Variants in PCDHA12 observed in about 807,000 individuals in gnomAD.
PCDHA12 encodes protocadherin alpha-12.
In PCDHA12, 44 loss-of-function variants were observed where a neutral mutation model predicts 60.0. The ratio of observed to expected loss-of-function variants is 0.73; its 90% CI spans 0.58 to 0.94. PCDHA12 has a LOEUF of 0.94. Ranked by LOEUF, PCDHA12 falls within the 40% of genes least tolerant of loss-of-function variation. The pLI, the probability that PCDHA12 is intolerant of heterozygous loss-of-function variation, is 0.00. For missense variants in PCDHA12, 1,276 were observed against 1,239.7 expected (o/e 1.03, Z -0.44); for synonymous variants, 569 against 553.0 (o/e 1.03, Z -0.40).
chr5:141,010,525 C>A lies in PCDHA12; in HGVS notation c.*588C>A. On this transcript the variant is annotated 3_prime_UTR_variant, in exon 4 of 4. Coordinates refer to ENST00000398631, the MANE Select transcript of PCDHA12 (RefSeq NM_018903.4). ...CTAAATCTTACAACTCAAGAGGTGG[C>A]AGCCACCCTCTAGGAGACAAAACTA... 1 of 436,454 alleles carries A rather than the reference C, an allele frequency of 2.3e-6. No homozygotes were observed. The highest frequency in any genetic ancestry group is 3.9e-6 in the Non-Finnish European group (1 of 256,874). 27.0% of individuals were successfully genotyped at this position (436,454 alleles called of 1,614,324 possible).
At chr5:140,881,042 G>A (rs2058565950) in intron 1 of PCDHA12, among the ~76,000 whole-genome samples, 1 of 152,208 alleles carries the variant, frequency 6.6e-6, no homozygotes, top group Non-Finnish European at 1.5e-5. Context: ...TTCCTATAGA[G>A]TTGTGCACAG....
At chr5:140,985,386 T>A (rs2097149117) in intron 3 of PCDHA12, among the ~76,000 whole-genome samples, 1 of 152,170 alleles carries the variant, frequency 6.6e-6, no homozygotes, top group African/African-American at 2.4e-5. Context: ...TATAATCCAG[T>A]CACCCCAACT....
intron 1 of PCDHA12, among the ~76,000 whole-genome samples, chr5:140,955,465 T>C (rs2095187437): frequency 6.6e-6 from 1 of 152,128 alleles, no homozygotes; most frequent in Non-Finnish European, 1.5e-5. Flanking sequence ...TTTTCCTTTT[T>C]GCTTGGCACC....
intron 1 of PCDHA12, among the ~76,000 whole-genome samples, chr5:140,950,569 T>C (rs969438550): frequency 1.3e-5 from 2 of 152,120 alleles, no homozygotes; most frequent in African/African-American, 2.4e-5. Context: ...TATTTTAAGG[T>C]TTTCTACTTA....
chr5:140,978,758 C>A (rs925464508), intron 1 of PCDHA12, among the ~76,000 whole-genome samples, 191 bp from the exon 2 acceptor site: 6 of 152,148 alleles, frequency 3.9e-5, no homozygotes, highest in African/African-American at 1.4e-4. Context: ...TGTGTGAGGA[C>A]CCTGATGAAC....
intron 1 of PCDHA12, among the ~76,000 whole-genome samples, chr5:140,935,745 T>C (rs564797649): frequency 6.6e-6 from 1 of 152,324 alleles, no homozygotes; most frequent in South Asian, 2.1e-4. Flanking sequence ...TATTATTCCA[T>C]ACAATACACA....
intron 3 of PCDHA12, among the ~76,000 whole-genome samples, chr5:140,997,957 C>T (rs1051643572): frequency 6.6e-5 from 10 of 152,156 alleles, no homozygotes; most frequent in East Asian, 1.9e-4. Context: ...TTGGCATTCA[C>T]GTACCTGTGG....
Position 140,883,309 on chromosome 5 carries a change from C to T in PCDHA12, c.2367+5470C>T, listed in dbSNP as rs782264263. The T allele has an allele frequency of 4.3e-6, 7 of 1,613,930 alleles. No individual in the cohort carries two copies. In the Admixed American group the frequency reaches 1.2e-4, roughly 27 times the overall value. ...AAGTACTAGATGTAAATGATAACGCCCCAGAGGTTACCATCACTTCTTTGT... is the reference window on the plus strand; with the variant it reads ...AAGTACTAGATGTAAATGATAACGCTCCAGAGGTTACCATCACTTCTTTGT... On this transcript the variant is annotated intron_variant, in intron 1 of 3. Transcript: ENST00000398631.
intron 1 of PCDHA12, among the ~76,000 whole-genome samples, chr5:140,911,647 G>A (rs1554194849): frequency 2.0e-5 from 3 of 152,160 alleles, no homozygotes; most frequent in African/African-American, 7.2e-5. Flanking sequence ...ATTACATATA[G>A]AGTTACTAAA....
At chr5:141,002,797 G>A (rs1025670333) in intron 3 of PCDHA12, among the ~76,000 whole-genome samples, 2 of 152,190 alleles carry the variant, frequency 1.3e-5, no homozygotes, top group African/African-American at 4.8e-5. Context: ...TATGGATGAG[G>A]AAACTGAGGC....
chr5:140,977,876 G>A (rs1425308379), intron 1 of PCDHA12, among the ~76,000 whole-genome samples: 3 of 152,190 alleles, frequency 2.0e-5, no homozygotes, highest in Non-Finnish European at 2.9e-5. Flanking sequence ...TAAGTATAAT[G>A]TAGAGGAAAA....
At position 140,876,651 on chromosome 5, in the gene PCDHA12, T is replaced by TC; in HGVS notation, c.1182dup (p.Phe395LeufsTer28). On this transcript the variant is annotated frameshift_variant, in exon 1 of 4. Coordinates refer to ENST00000398631, the MANE Select transcript of PCDHA12 (RefSeq NM_018903.4). LOFTEE classifies it high-confidence loss of function. ...TCATCTGCTCACTGACACCTCATGT[T>TC]CCCTTCAAGCTGGTGTCCACCTACA... is the stretch of plus-strand genomic sequence containing the variant. 6.2e-7 allele frequency: 1 copy of TC among 1,614,178 alleles called. No individual in the cohort carries two copies. Among genetic ancestry groups the TC allele is most frequent in the South Asian group, 1.1e-5 (1 of 91,088 alleles).
chr5:140,968,564 G>C (rs565573880), intron 1 of PCDHA12: 1 of 1,614,168 alleles, frequency 6.2e-7, no homozygotes, highest in South Asian at 1.1e-5. Context: ...AACTGCCCCT[G>C]CTGGCTACCT....
chr5:140,984,969 G>A (rs1045140349), intron 3 of PCDHA12, among the ~76,000 whole-genome samples: 8 of 151,670 alleles, frequency 5.3e-5, no homozygotes, highest in South Asian at 2.1e-4. Context: ...ACAGAGTCTC[G>A]CTCTGTCCCC....
Position 140,888,156 on chromosome 5 carries a change from A to T in PCDHA12, c.2367+10317A>T, listed in dbSNP as rs556908449. 2.0e-5 allele frequency among the ~76,000 whole-genome samples: 3 copies of T among 152,300 alleles called. No homozygotes were observed. In the South Asian group the frequency reaches 6.2e-4, roughly 32 times the overall value. On this transcript the variant is annotated intron_variant, in intron 1 of 3. Coordinates refer to ENST00000398631, the MANE Select transcript of PCDHA12 (RefSeq NM_018903.4). ...TTTCTTGCTGTTTTGCATGACTGGT[A>T]ATCTCTAATAAGATGCTAGACATTG...
chr5:140,918,660 A>G (rs1490487097), intron 1 of PCDHA12, among the ~76,000 whole-genome samples: 1 of 152,200 alleles, frequency 6.6e-6, no homozygotes, highest in Non-Finnish European at 1.5e-5. Context: ...TCTCATGTTG[A>G]TGGTATGAAG....
chr5:140,999,600 TG>T (rs1213821435), intron 3 of PCDHA12, among the ~76,000 whole-genome samples: 3 of 152,150 alleles, frequency 2.0e-5, no homozygotes. Context: ...CCCTACATCC[TG>T]GGGGACCTTA....
At chr5:140,983,408 A>C (rs1554245369) in intron 3 of PCDHA12, among the ~76,000 whole-genome samples, 1 of 152,208 alleles carries the variant, frequency 6.6e-6, no homozygotes, top group East Asian at 1.9e-4. Context: ...GGGAAGATTA[A>C]GTGTTGGTAG....
intron 1 of PCDHA12, chr5:140,967,672 C>T: frequency 1.2e-6 from 2 of 1,614,182 alleles, no homozygotes; most frequent in Non-Finnish European, 8.5e-7. Context: ...ACACGTCGGA[C>T]CGGGAGAGGC....
Sources: allele counts gnomAD v4.1 joint callset (sites outside exome capture counted in the v4.1 genomes callset), GRCh38; gene constraint gnomAD v4.1.1; transcripts MANE v1.5; gene names NCBI Gene and HGNC (gene_info 2026-07-23, HGNC 2026-07-21).